The following NCOR1 variants were observed in gnomAD, a reference collection of about 807,000 sequenced individuals.
NCOR1 encodes the protein protein phosphatase 1, regulatory subunit 109.
Under a neutral mutation model 288.1 loss-of-function variants are expected in NCOR1, and 63 were observed. The observed-to-expected ratio is 0.22, with a 90% CI of 0.18 to 0.27. The LOEUF (loss-of-function observed/expected upper bound fraction) is 0.27. NCOR1 is among the 10% of genes least tolerant of loss of function. The probability of loss-of-function intolerance (pLI) is 1.00; values close to 1 mark genes in which losing one functional copy is unlikely to be tolerated. For synonymous variants in NCOR1, 1,007 were observed against 1,065.9 expected (o/e 0.94, Z 1.08); for missense variants, 2,397 against 3,019.2 (o/e 0.79, Z 4.83).
At chr17:16,203,251 C>T (rs781421706) in intron 1 of NCOR1, among the ~76,000 whole-genome samples, 5 of 152,208 alleles carry the variant, frequency 3.3e-5, no homozygotes, top group African/African-American at 7.2e-5. Context: ...GGATTTCCTA[C>T]GCACCGCAAA....
chr17:16,173,493 T>G (rs1207981437), intron 3 of NCOR1, among the ~76,000 whole-genome samples: 1 of 151,996 alleles, frequency 6.6e-6, no homozygotes, highest in Non-Finnish European at 1.5e-5. Flanking sequence ...ATTCCATATG[T>G]GGCACCCTAA....
At chr17:16,141,013 G>GAAAAAAAAAAAAAAAAAAAAA (rs75591454) in intron 11 of NCOR1, among the ~76,000 whole-genome samples, 13 of 142,424 alleles carry the variant, frequency 9.1e-5, no homozygotes, top group African/African-American at 1.9e-4. Flanking sequence ...AAAAAAAAAG[G>GAAAAAAAAAAAAAAAAAAAAA]AAAATTCACT....
At chr17:16,041,922 G>A (rs1247581943) in intron 42 of NCOR1, among the ~76,000 whole-genome samples, 1 of 151,974 alleles carries the variant, frequency 6.6e-6, no homozygotes, top group Non-Finnish European at 1.5e-5. Flanking sequence ...ATTTTTAGTA[G>A]AGATGGGATT....
intron 26 of NCOR1, among the ~76,000 whole-genome samples, chr17:16,076,852 C>T (rs1186005134): frequency 6.6e-6 from 1 of 152,206 alleles, no homozygotes; most frequent in African/African-American, 2.4e-5. Flanking sequence ...AAAACCATTA[C>T]ATATGACAAG....
rs2080254283 is a variant in NCOR1, at chr17:16,158,891, A to T, written c.619-18T>A. On this transcript the variant is annotated intron_variant, in intron 5 of 45. Coordinates refer to ENST00000268712, the MANE Select transcript of NCOR1 (RefSeq NM_006311.4). Reference sequence around the variant, plus strand: ...AGCTGTTGCTAAGAGATCCAGAAAGAAAGAGTCAAGCATGTGCTGCACACC... The same window carrying T: ...AGCTGTTGCTAAGAGATCCAGAAAGTAAGAGTCAAGCATGTGCTGCACACC... 6.3e-7 allele frequency: 1 copy of T among 1,582,874 alleles called. No homozygotes were observed. The highest frequency in any genetic ancestry group is 1.1e-5 in the South Asian group (1 of 90,164).
Position 16,086,427 on chromosome 17 carries a change from G to A in NCOR1, c.3032C>T (p.Pro1011Leu). 6.2e-7 allele frequency: 1 copy of A among 1,613,494 alleles called. No individual in the cohort carries two copies. The highest frequency in any genetic ancestry group is 8.5e-7 in the Non-Finnish European group (1 of 1,179,574). The change falls in exon 23 of 46, where the codon CCA (proline) becomes CTA (leucine). Residue 1011 changes from proline (P) to leucine (L), a missense_variant. By Grantham distance (98) the Pro-to-Leu change is moderately conservative. Around this residue, in one of 11 missense-constraint regions of NCOR1, gnomAD observed 1,872 missense variants for 2,187.8 expected, o/e 0.86. Coordinates refer to ENST00000268712, the MANE Select transcript of NCOR1 (RefSeq NM_006311.4). ...AGGGAGATTAGTTATCACTTGATGT[G>A]GAGCAGGCTGAAGGACTTTTAAAAG... ...NREWEVLQPA[P>L]HQVITNLPEG... is the part of the protein sequence containing the mutation.
chr17:16,061,079 A>C (rs1394758311), intron 37 of NCOR1, among the ~76,000 whole-genome samples: 1 of 152,214 alleles, frequency 6.6e-6, no homozygotes, highest in Non-Finnish European at 1.5e-5. Context: ...GCTTCCTGAG[A>C]AATTACACCT....
chr17:16,039,601 GC>G lies in NCOR1; in HGVS notation c.6786del (p.Leu2263TrpfsTer30). The G allele has an allele frequency of 6.2e-7, 1 of 1,614,104 alleles. No homozygotes were observed. The highest frequency in any genetic ancestry group is 8.5e-7 in the Non-Finnish European group (1 of 1,180,012). On this transcript the variant is annotated frameshift_variant, in exon 44 of 46. Transcript: ENST00000268712. LOFTEE classifies it high-confidence loss of function. The stretch of plus-strand genomic sequence containing the variant: ...AGAGCCTTCCTGATAATGTCTTCCA[GC>G]CCAAGATTACTGGCAGGATCAGCAA... ...HSFADPASNL[G>X]LEDIIRKALM...
chr17:16,193,087 T>C (rs2088890874), intron 2 of NCOR1, among the ~76,000 whole-genome samples: 1 of 152,158 alleles, frequency 6.6e-6, no homozygotes, highest in Non-Finnish European at 1.5e-5. Flanking sequence ...AAGAACGTCC[T>C]AGAGTGTTAG....
Position 16,167,859 on chromosome 17 carries a change from CA to C in NCOR1, c.436-2699del, listed in dbSNP as rs71299856. 4.3e-3 allele frequency among the ~76,000 whole-genome samples: 270 copies of C among 62,652 alleles called. 1 individual carries two copies. Among genetic ancestry groups the C allele is most frequent in the African/African-American group, 0.012 (182 of 14,756 alleles). The allele number at this position is 62,652 out of a possible 152,430, so 41.1% of individuals were successfully genotyped here. A position where few individuals can be genotyped will look rare whatever the true frequency, so the allele number is the denominator to read the frequency against. On this transcript the variant is annotated intron_variant, in intron 4 of 45. Coordinates refer to ENST00000268712, the MANE Select transcript of NCOR1 (RefSeq NM_006311.4). ...TGGGTGATAGAAGAAGACTCCATCT[CA>C]AAAAAAAAAAAAAAAAAAACCACAC...
intron 40 of NCOR1, chr17:16,057,055 A>T (rs2060016834): frequency 6.5e-6 from 1 of 154,572 alleles, no homozygotes; most frequent in Non-Finnish European, 1.4e-5. Flanking sequence ...GCTGGTCTCA[A>T]ATTCCTGGGC....
At chr17:16,076,351 T>A (rs1285791113) in intron 26 of NCOR1, among the ~76,000 whole-genome samples, 1 of 152,230 alleles carries the variant, frequency 6.6e-6, no homozygotes. Context: ...GCCCAGGAAC[T>A]GTTAACAAGC....
Position 16,062,102 on chromosome 17 carries a change from G to A in NCOR1, c.5387+3C>T, listed in dbSNP as rs745786480. 5 of 1,610,012 alleles carry A rather than the reference G, an allele frequency of 3.1e-6. No homozygotes were observed. Among genetic ancestry groups the A allele is most frequent in the Non-Finnish European group, 4.2e-6 (5 of 1,179,094 alleles). On this transcript the variant is annotated splice_donor_region_variant and intron_variant, in intron 36 of 45. Transcript: ENST00000268712. ...TTTGTCAAAATATGTACAAGAGACT[G>A]ACATGATTCGTAGCTGAGCAGTTGG...
At chr17:16,206,294 TCA>T (rs529936121) in intron 1 of NCOR1, among the ~76,000 whole-genome samples, 7 of 147,974 alleles carry the variant, frequency 4.7e-5, no homozygotes, top group African/African-American at 1.0e-4. Flanking sequence ...GCATAAATAT[TCA>T]CACACACACA....
At position 16,171,899 on chromosome 17, in the gene NCOR1, C is replaced by T. The variant is rs2083204263; in HGVS notation, c.339G>A (p.Gln113=). Residue 113 remains glutamine (Q), a synonymous_variant, in exon 4 of 46, where the codon CAG becomes CAA. Coordinates refer to ENST00000268712, the MANE Select transcript of NCOR1 (RefSeq NM_006311.4). The part of the protein sequence containing the change: ...SLESKRPRLE[Q]VSDSHFQRVS... ...CACGCTGAAAATGAGAATCAGAAAC[C>T]TGTTCCAGACGTGGTCGCTTCGATT... 2.5e-6 allele frequency: 4 copies of T among 1,613,422 alleles called. No individual in the cohort carries two copies. In the East Asian group the frequency reaches 8.9e-5, roughly 36 times the overall value.
intron 18 of NCOR1, 38 bp downstream of exon 18, chr17:16,117,850 A>G (rs148679023): frequency 6.3e-7 from 1 of 1,594,950 alleles, no homozygotes. Flanking sequence ...TCTAAGTAAA[A>G]AACAGTAAGT....
intron 11 of NCOR1, among the ~76,000 whole-genome samples, chr17:16,141,400 G>A (rs542846402): frequency 6.6e-6 from 1 of 152,130 alleles, no homozygotes; most frequent in Non-Finnish European, 1.5e-5. Context: ...ATCAGTATAA[G>A]AACAATCTGA....
At chr17:16,109,509 AATT>A (rs1231104477) in intron 18 of NCOR1, among the ~76,000 whole-genome samples, 4 of 152,112 alleles carry the variant, frequency 2.6e-5, no homozygotes, top group African/African-American at 4.8e-5. Flanking sequence ...AATTCTTCCT[AATT>A]ATTGTTATTA....
chr17:16,060,975 T>C (rs1400947243), intron 37 of NCOR1, among the ~76,000 whole-genome samples: 1 of 152,144 alleles, frequency 6.6e-6, no homozygotes, highest in Non-Finnish European at 1.5e-5. Context: ...TCACCAATAA[T>C]AGGTAGTCTC....
Sources: gnomAD v4.1 joint callset for allele counts (sites outside exome capture counted in the v4.1 genomes callset) on GRCh38, gnomAD v4.1.1 for gene constraint, gnomAD v4.1.1 regional missense constraint, MANE v1.5 for transcripts, NCBI Gene and HGNC (gene_info 2026-07-23, HGNC 2026-07-21) for gene names.